UQCC6: variants seen among roughly 807,000 people sequenced by gnomAD.
UQCC6 encodes protein BRAWNIN.
the UQCC6 span, chr12:103,953,549 G>A: frequency 1.4e-6 from 1 of 702,338 alleles, no homozygotes; most frequent in Non-Finnish European, 2.6e-6. Context: ...AAAGAACAAA[G>A]TGGTTGACAA....
At chr12:103,951,635 A>C in the UQCC6 span, 3 of 1,368,098 alleles carry the variant, frequency 2.2e-6, no homozygotes, top group South Asian at 1.3e-5. Flanking sequence ...TATTGTCTGC[A>C]AAAAAAACAA....
the UQCC6 span, among the ~76,000 whole-genome samples, chr12:103,955,984 T>C: frequency 1.3e-5 from 2 of 152,292 alleles, no homozygotes; most frequent in Admixed American, 1.3e-4. Flanking sequence ...TTCCAAGCAG[T>C]TGAGATACAA....
chr12:103,954,872 T>C, the UQCC6 span: 18 of 690,442 alleles, frequency 2.6e-5, no homozygotes, highest in African/African-American at 7.1e-5. Context: ...AAAAGAGACA[T>C]ACCAAACAGA....
At chr12:103,953,273 C>T in the UQCC6 span, 6 of 692,478 alleles carry the variant, frequency 8.7e-6, no homozygotes, top group South Asian at 7.5e-5. Flanking sequence ...CTGGATGTAC[C>T]TTTCAAGTTA....
chr12:103,954,565 T>C, the UQCC6 span: 2 of 210,788 alleles, frequency 9.5e-6, no homozygotes, highest in Non-Finnish European at 1.9e-5. Context: ...AAGCCATTCA[T>C]GAGGGATTCG....
the UQCC6 span, among the ~76,000 whole-genome samples, chr12:103,964,156 T>C: frequency 9.0e-6 from 1 of 110,710 alleles, no homozygotes; most frequent in Non-Finnish European, 1.9e-5. Context: ...TTTTTTTTTT[T>C]TTTTTTTTTT....
the UQCC6 span, among the ~76,000 whole-genome samples, chr12:103,963,043 T>C: frequency 3.3e-5 from 5 of 151,920 alleles, no homozygotes; most frequent in Admixed American, 1.3e-4. Flanking sequence ...TGCACTGATA[T>C]ATATTTCTCT....
the UQCC6 span, among the ~76,000 whole-genome samples, chr12:103,964,106 C>T: frequency 7.3e-6 from 1 of 136,328 alleles, no homozygotes; most frequent in African/African-American, 2.7e-5. Context: ...GGTTCAGTGT[C>T]CTCACCGACA....
At chr12:103,951,276 G>A in the UQCC6 span, 6 of 329,370 alleles carry the variant, frequency 1.8e-5, no homozygotes, top group South Asian at 2.2e-4. Context: ...ATTCTATTTC[G>A]CGTTATATTC....
the UQCC6 span, among the ~76,000 whole-genome samples, chr12:103,959,784 TTTA>T: frequency 9.0e-5 from 13 of 145,192 alleles, no homozygotes; most frequent in Admixed American, 2.9e-4. Context: ...GCTATACAAA[TTTA>T]TTATTTATTT....
the UQCC6 span, chr12:103,956,675 A>G: frequency 6.4e-7 from 1 of 1,551,742 alleles, no homozygotes; most frequent in Admixed American, 2.0e-5. Flanking sequence ...GCCCCTGCGC[A>G]CATGGCCAGG....
At chr12:103,954,685 A>G in the UQCC6 span, 2 of 446,298 alleles carry the variant, frequency 4.5e-6, no homozygotes, top group East Asian at 7.4e-5. Flanking sequence ...GTGGACATTC[A>G]ACAACAGTGA....
the UQCC6 span, among the ~76,000 whole-genome samples, chr12:103,961,537 T>TTTG: frequency 0.12 from 17,648 of 150,478 alleles, 1,331 homozygotes; most frequent in Non-Finnish European, 0.17. Context: ...ACTGTTTGGT[T>TTTG]TTGTTGTTGT....
At chr12:103,958,864 A>G in the UQCC6 span, among the ~76,000 whole-genome samples, 2 of 151,600 alleles carry the variant, frequency 1.3e-5, no homozygotes, top group East Asian at 1.9e-4. Flanking sequence ...TTCTTGTTCT[A>G]TACAATCACT....
chr12:103,958,500 T>C, the UQCC6 span, among the ~76,000 whole-genome samples: 193 of 152,216 alleles, frequency 1.3e-3, no homozygotes, highest in African/African-American at 4.4e-3. Context: ...ATCTGCTTTC[T>C]GTCACTATAA....
chr12:103,962,814 G>C, the UQCC6 span, among the ~76,000 whole-genome samples: 3 of 152,242 alleles, frequency 2.0e-5, no homozygotes, highest in African/African-American at 7.2e-5. Flanking sequence ...TCTTGGAGTT[G>C]TAACACTGCT....
the UQCC6 span, chr12:103,953,492 G>T: frequency 1.4e-6 from 1 of 702,232 alleles, no homozygotes; most frequent in East Asian, 2.7e-5. Context: ...ACTCTGCCCA[G>T]ACCTTCCAGT....
chr12:103,963,074 C>CTT, the UQCC6 span, among the ~76,000 whole-genome samples: 327 of 138,212 alleles, frequency 2.4e-3, 3 homozygotes, highest in Non-Finnish European at 2.8e-3. Context: ...TAATACTACA[C>CTT]TTTTTTTTTT....
the UQCC6 span, among the ~76,000 whole-genome samples, chr12:103,958,055 T>C: frequency 3.4e-5 from 5 of 146,760 alleles, no homozygotes; most frequent in Admixed American, 1.4e-4. Flanking sequence ...TGTATATATA[T>C]ACACACAAAA....
Sources: gnomAD v4.1 joint callset for allele counts (sites outside exome capture counted in the v4.1 genomes callset) on GRCh38, gnomAD v4.1.1 for gene constraint, MANE v1.5 for transcripts, NCBI Gene and HGNC (gene_info 2026-07-23, HGNC 2026-07-21) for gene names.